Variants in WWOX observed in about 807,000 individuals in gnomAD.
WWOX encodes the protein WW domain-containing oxidoreductase.
In WWOX, 69 loss-of-function variants were observed where a neutral mutation model predicts 46.2. The ratio of observed to expected loss-of-function variants is 1.49; its 90% confidence interval spans 1.23 to 1.82. The LOEUF (loss-of-function observed/expected upper bound fraction) is 1.82. Among genes scored for constraint, WWOX ranks in the 40% most tolerant of loss-of-function variants. WWOX has a pLI of 0.00. For synonymous variants in WWOX, 359 were observed against 202.6 expected (o/e 1.77, Z -6.56); for missense variants, 919 against 542.6 (o/e 1.69, Z -6.89).
intron 8 of WWOX, among the ~76,000 whole-genome samples, chr16:78,479,380 G>C (rs530747727): frequency 2.0e-5 from 3 of 152,342 alleles, no homozygotes; most frequent in Non-Finnish European, 2.9e-5. Context: ...AGCCTGAGAG[G>C]AGGTTGGGTT....
intron 6 of WWOX, among the ~76,000 whole-genome samples, chr16:78,393,710 C>A (rs145022219): frequency 6.6e-6 from 1 of 152,184 alleles, no homozygotes; most frequent in African/African-American, 2.4e-5. Context: ...TTACCCAAGT[C>A]CAAACATTTT....
chr16:78,106,636 G>A (rs1361508484), intron 1 of WWOX, among the ~76,000 whole-genome samples: 2 of 151,950 alleles, frequency 1.3e-5, no homozygotes, highest in East Asian at 1.9e-4. Flanking sequence ...GGCTGGTCGC[G>A]AACTCCTGAC....
At chr16:78,132,523 A>G (rs1332710306) in intron 4 of WWOX, among the ~76,000 whole-genome samples, 2 of 152,198 alleles carry the variant, frequency 1.3e-5, no homozygotes, top group Non-Finnish European at 2.9e-5. Context: ...GTTAATACGT[A>G]TGCGGCCATG....
intron 8 of WWOX, among the ~76,000 whole-genome samples, chr16:78,748,550 C>T (rs2142441879): frequency 1.3e-5 from 2 of 152,222 alleles, no homozygotes; most frequent in South Asian, 2.1e-4. Flanking sequence ...GCCTGCTTTA[C>T]CATTGGAGAC....
chr16:78,807,378 A>G (rs73575694), intron 8 of WWOX, among the ~76,000 whole-genome samples: 6 of 152,348 alleles, frequency 3.9e-5, no homozygotes, highest in African/African-American at 1.4e-4. Context: ...AAGTAAAACT[A>G]TTCTTGTTCT....
chr16:78,965,719 G>A (rs951503828), intron 8 of WWOX, among the ~76,000 whole-genome samples: 16 of 152,002 alleles, frequency 1.1e-4, no homozygotes, highest in Admixed American at 2.0e-4. Context: ...TGCCCTTCCC[G>A]CATTGTGACT....
At chr16:79,099,479 T>G (rs1009065834) in intron 8 of WWOX, among the ~76,000 whole-genome samples, 1 of 152,182 alleles carries the variant, frequency 6.6e-6, no homozygotes, top group Non-Finnish European at 1.5e-5. Flanking sequence ...CCATTCTAGC[T>G]GACTGTTGTC....
intron 8 of WWOX, among the ~76,000 whole-genome samples, chr16:78,468,448 G>C (rs1665943703): frequency 6.6e-6 from 1 of 152,044 alleles, no homozygotes; most frequent in Admixed American, 6.6e-5. Flanking sequence ...TTCACACTGA[G>C]TTTGCAGATT....
chr16:78,918,983 A>G (rs547965499), intron 8 of WWOX, among the ~76,000 whole-genome samples: 8 of 152,142 alleles, frequency 5.3e-5, no homozygotes, highest in Non-Finnish European at 1.2e-4. Context: ...AGAAAAAAGA[A>G]CTTTCAGGTG....
intron 5 of WWOX, among the ~76,000 whole-genome samples, chr16:78,360,412 C>T (rs1241010840): frequency 3.3e-5 from 5 of 151,938 alleles, no homozygotes; most frequent in Non-Finnish European, 7.4e-5. Flanking sequence ...TAGTGAAATC[C>T]TGTCTCTACT....
At chr16:78,435,380 C>T (rs1236104166) in intron 8 of WWOX, among the ~76,000 whole-genome samples, 1 of 152,170 alleles carries the variant, frequency 6.6e-6, no homozygotes, top group Non-Finnish European at 1.5e-5. Context: ...CAGGAGAGCT[C>T]AGAGACTACT....
At chr16:78,720,252 G>A (rs1327737919) in intron 8 of WWOX, among the ~76,000 whole-genome samples, 1 of 151,190 alleles carries the variant, frequency 6.6e-6, no homozygotes, top group East Asian at 1.9e-4. Context: ...TGAAGATTAT[G>A]TGCGCGTGTG....
chr16:78,594,665 G>T (rs976489844), intron 8 of WWOX, among the ~76,000 whole-genome samples: 1 of 152,018 alleles, frequency 6.6e-6, no homozygotes, highest in African/African-American at 2.4e-5. Context: ...TCTCAGGGCA[G>T]CGTGGGACCT....
At chr16:78,971,990 G>C (rs994987461) in intron 8 of WWOX, among the ~76,000 whole-genome samples, 3 of 152,136 alleles carry the variant, frequency 2.0e-5, no homozygotes, top group Non-Finnish European at 4.4e-5. Context: ...GCCGAGGTAG[G>C]AGTTTGTCCA....
chr16:78,790,360 C>T (rs1270590023), intron 8 of WWOX, among the ~76,000 whole-genome samples: 1 of 152,058 alleles, frequency 6.6e-6, no homozygotes, highest in Non-Finnish European at 1.5e-5. Flanking sequence ...CTCTCAAACT[C>T]CTGACATCAA....
intron 8 of WWOX, among the ~76,000 whole-genome samples, chr16:78,554,378 G>A (rs143556046): frequency 2.3e-4 from 35 of 152,240 alleles, no homozygotes; most frequent in African/African-American, 7.9e-4. Context: ...AGGTCTGATC[G>A]TGAAAATTCA....
chr16:78,612,840 G>C (rs1230882858), intron 8 of WWOX, among the ~76,000 whole-genome samples: 2 of 152,146 alleles, frequency 1.3e-5, no homozygotes, highest in Non-Finnish European at 2.9e-5. Flanking sequence ...TTGCTGTAAG[G>C]ATTAGAACCA....
intron 8 of WWOX, among the ~76,000 whole-genome samples, chr16:78,935,709 A>T (rs1020151056): frequency 6.6e-6 from 1 of 152,096 alleles, no homozygotes; most frequent in African/African-American, 2.4e-5. Flanking sequence ...TACTTATGTA[A>T]CAAAGCTGCA....
At chr16:78,990,282 T>A (rs1190052359) in intron 8 of WWOX, among the ~76,000 whole-genome samples, 1 of 152,082 alleles carries the variant, frequency 6.6e-6, no homozygotes, top group African/African-American at 2.4e-5. Context: ...TTGCTGCCTG[T>A]TTTCCATGAA....
Sources: gnomAD v4.1 joint callset for allele counts (sites outside exome capture counted in the v4.1 genomes callset) on GRCh38, gnomAD v4.1.1 for gene constraint, MANE v1.5 for transcripts, NCBI Gene and HGNC (gene_info 2026-07-23, HGNC 2026-07-21) for gene names.